The following RAB18 variants were observed in gnomAD, a reference collection of about 807,000 sequenced individuals.
RAB18 encodes RAB18, member RAS oncogene family.
RAB18 carries 10 observed loss-of-function variants against 28.5 expected under a neutral mutation model. That is an observed-to-expected ratio of 0.35 (90% CI 0.22 to 0.60). RAB18 has a LOEUF of 0.60. RAB18 is among the 20% of genes least tolerant of loss of function. RAB18 has a pLI of 0.78. For synonymous variants in RAB18, 93 were observed against 86.9 expected, an observed-to-expected ratio of 1.07 and a Z score of -0.39; for missense variants, 188 against 244.2, an observed-to-expected ratio of 0.77 and a Z score of 1.53.
In RAB18 at chr10:27,540,913, T is replaced by C. The variant is rs767741672; in HGVS notation, c.*2862T>C. ...GCACCATAGCTCATAAAAGAATCCT[T>C]CTTACACCAGTACTTGTTCTGCCTG... On this transcript the variant is annotated 3_prime_UTR_variant, in exon 7 of 7. Transcript: ENST00000356940. The C allele has an allele frequency of 7.7e-5, 35 of 453,960 alleles. No individual in the cohort carries two copies. The highest frequency in any genetic ancestry group is 1.3e-4 in the Non-Finnish European group (30 of 226,770). The allele number at this position is 453,960 out of a possible 1,614,324, so 28.1% of individuals were successfully genotyped here.
Position 27,504,411 on chromosome 10 carries a change from C to T in RAB18, c.42C>T (p.Ile14=). ...DVLTTLKILI[I]GESGVGKSSL... Reference sequence around the variant, plus strand: ...TAACCACCCTGAAGATCCTCATCATCGGCGAGAGTGGGGTGGGCAAGTCCA... The same window carrying T: ...TAACCACCCTGAAGATCCTCATCATTGGCGAGAGTGGGGTGGGCAAGTCCA... The change falls in exon 1 of 7, where the codon ATC becomes ATT. Residue 14 remains isoleucine (I), a synonymous_variant. Transcript: ENST00000356940. The T allele has an allele frequency of 2.5e-6, 4 of 1,571,896 alleles. No homozygotes were observed. Among genetic ancestry groups the T allele is most frequent in the Non-Finnish European group, 3.5e-6 (4 of 1,158,448 alleles).
chr10:27,535,692 T>C (rs1484887691), intron 6 of RAB18, among the ~76,000 whole-genome samples: 1 of 152,162 alleles, frequency 6.6e-6, no homozygotes, highest in Non-Finnish European at 1.5e-5. Flanking sequence ...GCGGTTTGAC[T>C]GTGTAGCCGT....
intron 3 of RAB18, among the ~76,000 whole-genome samples, chr10:27,528,680 C>G (rs1037887431): frequency 5.3e-5 from 8 of 152,054 alleles, no homozygotes; most frequent in African/African-American, 1.9e-4. Flanking sequence ...CAGCTTTTCA[C>G]AAAGATTACA....
intron 2 of RAB18, among the ~76,000 whole-genome samples, chr10:27,521,628 A>G (rs1834555129): frequency 6.6e-6 from 1 of 152,174 alleles, no homozygotes; most frequent in Non-Finnish European, 1.5e-5. Context: ...GTTCTCATTT[A>G]TAAGTGATAG....
At chr10:27,527,999 A>G (rs1308826519) in intron 3 of RAB18, among the ~76,000 whole-genome samples, 1 of 152,150 alleles carries the variant, frequency 6.6e-6, no homozygotes. Context: ...ACAGAAAACA[A>G]TTTGGAAAAT....
At chr10:27,532,291 TAC>T (rs1432331561) in intron 3 of RAB18, among the ~76,000 whole-genome samples, 1 of 151,792 alleles carries the variant, frequency 6.6e-6, no homozygotes, top group African/African-American at 2.4e-5. Context: ...AGAAAACCTT[TAC>T]ATAGTTTCAT....
intron 1 of RAB18, among the ~76,000 whole-genome samples, chr10:27,509,124 C>G (rs139609228): frequency 9.9e-4 from 151 of 152,266 alleles, no homozygotes; most frequent in Non-Finnish European, 1.7e-3. Flanking sequence ...TAGTTTCTTA[C>G]CATTTCCTAG....
rs761898805 is a variant in RAB18 at position 27,542,211 on chromosome 10, C to T, written c.*4160C>T. 1 of 454,052 alleles carries T rather than the reference C, an allele frequency of 2.2e-6. No homozygotes were observed. Among genetic ancestry groups the T allele is most frequent in the South Asian group, 1.6e-5 (1 of 64,474 alleles). 28.1% of individuals were successfully genotyped at this position (454,052 alleles called of 1,614,324 possible). Reference sequence around the variant, plus strand: ...ATTTCTCAGCTTTCACTTATGTGAGCCAATAAATTCCTTTTTTGTTGAAGG... The same window carrying T: ...ATTTCTCAGCTTTCACTTATGTGAGTCAATAAATTCCTTTTTTGTTGAAGG... On this transcript the variant is annotated 3_prime_UTR_variant, in exon 7 of 7. Coordinates refer to ENST00000356940, the MANE Select transcript of RAB18 (RefSeq NM_021252.5).
At chr10:27,531,702 C>T in intron 3 of RAB18, 2 of 685,060 alleles carry the variant, frequency 2.9e-6, no homozygotes, top group South Asian at 1.6e-5. Flanking sequence ...ATCTTAGGTA[C>T]CTTGAATCCA....
intron 2 of RAB18, among the ~76,000 whole-genome samples, chr10:27,526,128 T>C (rs573721255): frequency 2.0e-5 from 3 of 152,174 alleles, no homozygotes; most frequent in African/African-American, 7.2e-5. Context: ...ATGAAACTCT[T>C]TTCTTTACAT....
intron 3 of RAB18, chr10:27,528,312 GAAGAGAGGTTTTCCCCCTGGC>G (rs1834720399): frequency 2.0e-6 from 1 of 496,378 alleles, no homozygotes; most frequent in Non-Finnish European, 4.0e-6. Flanking sequence ...ATTTTTTAAA[GAAGAGAGGTTTTCCCCCTGGC>G]TGTAAGAATA....
intron 6 of RAB18, among the ~76,000 whole-genome samples, chr10:27,534,317 C>G (rs1487964525): frequency 2.0e-5 from 3 of 152,214 alleles, no homozygotes; most frequent in African/African-American, 7.2e-5. Context: ...CACCTGGGAG[C>G]TTGTTAGCAG....
intron 6 of RAB18, among the ~76,000 whole-genome samples, chr10:27,535,951 C>G (rs939793191): frequency 6.6e-6 from 1 of 151,988 alleles, no homozygotes. Context: ...GGCGTGGTGG[C>G]GGGTGCCTGT....
Position 27,539,563 on chromosome 10 carries a change from G to A in RAB18, c.*1512G>A. On this transcript the variant is annotated 3_prime_UTR_variant, in exon 7 of 7. Transcript: ENST00000356940. ...CAAGATTTACTACTAGAAATTTGGAGAAAGAACACTAACACATGTACTTGT... is the reference window on the plus strand; with the variant it reads ...CAAGATTTACTACTAGAAATTTGGAAAAAGAACACTAACACATGTACTTGT... 2.4e-6 allele frequency: 1 copy of A among 415,368 alleles called. No individual in the cohort carries two copies. 25.7% of individuals were successfully genotyped at this position (415,368 alleles called of 1,614,324 possible).
chr10:27,519,042 A>G (rs1277054646), intron 2 of RAB18, among the ~76,000 whole-genome samples: 1 of 152,074 alleles, frequency 6.6e-6, no homozygotes, highest in African/African-American at 2.4e-5. Context: ...TTGCTTTTGC[A>G]CTTTTGAAAA....
At position 27,521,243 on chromosome 10, in the gene RAB18, T is replaced by C. The variant is rs145575016; in HGVS notation, c.125-5585T>C. 5.9e-5 allele frequency among the ~76,000 whole-genome samples: 9 copies of C among 152,288 alleles called. No individual in the cohort carries two copies. The East Asian group carries it at 1.7e-3, about 29-fold the overall frequency. On this transcript the variant is annotated intron_variant, in intron 2 of 6. Coordinates refer to ENST00000356940, the MANE Select transcript of RAB18 (RefSeq NM_021252.5). ...TCCTGGAGAATGTTTCATGTATACT[T>C]GAAAAAAATTTGTTGTTATACGGAG...
At chr10:27,516,499 A>G (rs1468740556) in intron 2 of RAB18, among the ~76,000 whole-genome samples, 3 of 151,840 alleles carry the variant, frequency 2.0e-5, no homozygotes, top group African/African-American at 7.3e-5. Context: ...TGGAGGTTGC[A>G]GTGAGCCAAG....
chr10:27,507,257 G>GT (rs55774499), intron 1 of RAB18, among the ~76,000 whole-genome samples: 152,374 of 152,390 alleles, frequency 1, 76,179 homozygotes, highest in Non-Finnish European at 1. Context: ...ACTTTCTAGT[G>GT]ATTTCATAGT....
intron 2 of RAB18, among the ~76,000 whole-genome samples, chr10:27,512,172 T>G (rs1834337821): frequency 1.3e-5 from 2 of 152,144 alleles, no homozygotes; most frequent in Non-Finnish European, 2.9e-5. Flanking sequence ...TAGGCATTAC[T>G]TAGCTTTTGC....
Sources: gnomAD v4.1 joint callset for allele counts (sites outside exome capture counted in the v4.1 genomes callset) on GRCh38, gnomAD v4.1.1 for gene constraint, MANE v1.5 for transcripts, NCBI Gene and HGNC (gene_info 2026-07-23, HGNC 2026-07-21) for gene names.